The following SOX5 variants were observed in gnomAD, a reference collection of about 807,000 sequenced individuals.
SOX5 encodes transcription factor SOX-5.
Under a neutral mutation model 92.0 loss-of-function variants are expected in SOX5, and 9 were observed. The observed-to-expected ratio is 0.10, with a 90% CI of 0.06 to 0.17. The LOEUF is 0.17. Ranked by LOEUF, SOX5 falls within the 10% of genes least tolerant of loss-of-function variation. The pLI, the probability that SOX5 is intolerant of heterozygous loss-of-function variation, is 1.00. For missense variants in SOX5, 642 were observed against 944.5 expected (o/e 0.68, Z 4.20); for synonymous variants, 344 against 336.3 (o/e 1.02, Z -0.25).
intron 4 of SOX5, among the ~76,000 whole-genome samples, chr12:24,152,893 A>G (rs531888661): frequency 2.6e-5 from 4 of 152,152 alleles, no homozygotes; most frequent in Non-Finnish European, 4.4e-5. Context: ...GAGTTAAAAT[A>G]ATGTTTCCCT....
intron 4 of SOX5, among the ~76,000 whole-genome samples, chr12:24,159,406 T>A (rs944985108): frequency 5.9e-5 from 9 of 151,982 alleles, no homozygotes; most frequent in African/African-American, 1.9e-4. Context: ...TTAAGAAAAA[T>A]ATTTATTTTG....
intron 9 of SOX5, among the ~76,000 whole-genome samples, chr12:23,581,436 T>C (rs1329081108): frequency 6.6e-6 from 1 of 152,118 alleles, no homozygotes; most frequent in Non-Finnish European, 1.5e-5. Context: ...GATGATTTGG[T>C]TCATTCCATA....
intron 11 of SOX5, among the ~76,000 whole-genome samples, chr12:23,546,939 C>T (rs1943247934): frequency 6.6e-6 from 1 of 152,112 alleles, no homozygotes. Context: ...TTTAAATATT[C>T]ATTGCTAATT....
chr12:24,049,443 C>A (rs1408886905), intron 4 of SOX5, among the ~76,000 whole-genome samples: 6 of 152,108 alleles, frequency 3.9e-5, no homozygotes, highest in Non-Finnish European at 8.8e-5. Context: ...AGTGAGAAAG[C>A]ATTATTTTAA....
chr12:23,720,255 C>T (rs1031789833), intron 6 of SOX5, among the ~76,000 whole-genome samples: 1 of 152,078 alleles, frequency 6.6e-6, no homozygotes, highest in Admixed American at 6.5e-5. Flanking sequence ...AATAAATACC[C>T]TACATGTGGA....
intron 10 of SOX5, among the ~76,000 whole-genome samples, chr12:23,573,338 A>C (rs555025044): frequency 6.6e-6 from 1 of 152,156 alleles, no homozygotes; most frequent in Non-Finnish European, 1.5e-5. Context: ...CTGGAAATCT[A>C]TTCAAACCAT....
chr12:24,330,361 G>A (rs1161405412), intron 2 of SOX5, among the ~76,000 whole-genome samples: 1 of 152,156 alleles, frequency 6.6e-6, no homozygotes, highest in Non-Finnish European at 1.5e-5. Flanking sequence ...GGAAAAAAAG[G>A]GGGAAAAGCT....
chr12:23,695,106 G>A (rs7956846), intron 6 of SOX5, among the ~76,000 whole-genome samples: 1 of 128,412 alleles, frequency 7.8e-6, no homozygotes. Flanking sequence ...GGTGACAAGG[G>A]AAACCTTGTC....
chr12:24,467,562 G>A (rs2046924570), intron 1 of SOX5, among the ~76,000 whole-genome samples: 1 of 152,136 alleles, frequency 6.6e-6, no homozygotes, highest in African/African-American at 2.4e-5. Context: ...CACAAATAAT[G>A]CATCCTTTAT....
At chr12:24,139,100 T>A (rs1950348238) in intron 4 of SOX5, among the ~76,000 whole-genome samples, 1 of 152,196 alleles carries the variant, frequency 6.6e-6, no homozygotes, top group Non-Finnish European at 1.5e-5. Flanking sequence ...CAGAAAGAAT[T>A]AATTTTCCCA....
chr12:24,429,391 T>C (rs1034119633), intron 1 of SOX5, among the ~76,000 whole-genome samples: 1 of 152,014 alleles, frequency 6.6e-6, no homozygotes, highest in African/African-American at 2.4e-5. Flanking sequence ...TGAAATGCTA[T>C]GTAGTGGGCA....
At chr12:24,101,630 T>C (rs1205104548) in intron 4 of SOX5, among the ~76,000 whole-genome samples, 2 of 152,100 alleles carry the variant, frequency 1.3e-5, no homozygotes, top group African/African-American at 4.8e-5. Flanking sequence ...ACATCAAAAT[T>C]CACCAGCAGA....
intron 2 of SOX5, among the ~76,000 whole-genome samples, chr12:24,277,494 T>G (rs953771029): frequency 2.6e-5 from 2 of 77,692 alleles, no homozygotes; most frequent in Non-Finnish European, 7.0e-5. Flanking sequence ...ATATGTAAAT[T>G]TACATTTAAA....
At chr12:23,956,694 T>A (rs1389293498) in intron 4 of SOX5, among the ~76,000 whole-genome samples, 1 of 151,430 alleles carries the variant, frequency 6.6e-6, no homozygotes, top group African/African-American at 2.4e-5. Context: ...CTTTTTTTTT[T>A]AAGGGGAGGG....
At chr12:24,339,162 G>GA (rs1565937572) in intron 2 of SOX5, among the ~76,000 whole-genome samples, 13 of 30,780 alleles carry the variant, frequency 4.2e-4, no homozygotes, top group African/African-American at 8.1e-4. Flanking sequence ...CTCTCTCTCT[G>GA]CCACACACAC....
At chr12:23,945,230 GTCT>G (rs1453781406) in intron 1 of SOX5, among the ~76,000 whole-genome samples, 1 of 152,058 alleles carries the variant, frequency 6.6e-6, no homozygotes, top group Non-Finnish European at 1.5e-5. Flanking sequence ...ATCAGAACAG[GTCT>G]TATTATATGT....
At chr12:24,131,451 A>C (rs1305813089) in intron 4 of SOX5, among the ~76,000 whole-genome samples, 2 of 152,250 alleles carry the variant, frequency 1.3e-5, no homozygotes, top group African/African-American at 4.8e-5. Context: ...TACGGCATCT[A>C]TCACATAAAT....
chr12:23,586,556 T>A (rs1467925563), intron 9 of SOX5, among the ~76,000 whole-genome samples: 1 of 152,152 alleles, frequency 6.6e-6, no homozygotes, highest in East Asian at 1.9e-4. Context: ...TGATTGATTC[T>A]TGGATTTGAA....
intron 1 of SOX5, among the ~76,000 whole-genome samples, chr12:24,403,869 C>T (rs867935480): frequency 2.6e-5 from 4 of 152,172 alleles, no homozygotes; most frequent in Non-Finnish European, 5.9e-5. Flanking sequence ...TAGGTATATA[C>T]TTCAGGTCTT....
Sources: allele counts gnomAD v4.1 joint callset (sites outside exome capture counted in the v4.1 genomes callset), GRCh38; gene constraint gnomAD v4.1.1; transcripts MANE v1.5; gene names NCBI Gene and HGNC (gene_info 2026-07-23, HGNC 2026-07-21).